The following SUPT3H variants were observed in gnomAD, a reference collection of about 807,000 sequenced individuals.
SUPT3H encodes the protein transcription initiation protein SPT3 homolog.
Under a neutral mutation model 44.3 loss-of-function variants are expected in SUPT3H, and 44 were observed. The observed-to-expected ratio is 0.99, with a 90% CI of 0.78 to 1.28. The LOEUF (loss-of-function observed/expected upper bound fraction) is 1.28. Among genes scored for constraint, SUPT3H ranks in the 50% most tolerant of loss-of-function variants. SUPT3H has a pLI of 0.00. For synonymous variants in SUPT3H, 124 were observed against 125.6 expected, an observed-to-expected ratio of 0.99 and a Z score of 0.09; for missense variants, 380 against 387.1, an observed-to-expected ratio of 0.98 and a Z score of 0.15.
At chr6:45,361,316 CTCCCAATTT>C (rs1206049802) in intron 2 of SUPT3H, among the ~76,000 whole-genome samples, 17 of 152,004 alleles carry the variant, frequency 1.1e-4, no homozygotes, top group Non-Finnish European at 7.4e-5. Context: ...ATCCCCAAAA[CTCCCAATTT>C]TTAAAAACGT....
chr6:44,900,801 C>T (rs995499882), intron 10 of SUPT3H, among the ~76,000 whole-genome samples: 2 of 152,158 alleles, frequency 1.3e-5, no homozygotes, highest in African/African-American at 4.8e-5. Context: ...CCTCACACGG[C>T]CGGGTACTCC....
intron 2 of SUPT3H, among the ~76,000 whole-genome samples, chr6:45,283,894 C>G (rs1297109408): frequency 6.6e-6 from 1 of 152,124 alleles, no homozygotes; most frequent in Non-Finnish European, 1.5e-5. Context: ...GTCTCTCAGA[C>G]CACAGTGAAA....
chr6:45,140,142 C>G (rs1373289494), intron 2 of SUPT3H, among the ~76,000 whole-genome samples: 1 of 152,028 alleles, frequency 6.6e-6, no homozygotes, highest in Non-Finnish European at 1.5e-5. Flanking sequence ...AGAAGCAGCC[C>G]TAATCCCCTA....
intron 10 of SUPT3H, among the ~76,000 whole-genome samples, chr6:44,906,937 T>C (rs971827266): frequency 4.6e-5 from 7 of 152,258 alleles, no homozygotes; most frequent in South Asian, 2.1e-4. Flanking sequence ...GACTTTCTGC[T>C]GGAATTTAAG....
chr6:44,938,633 G>C (rs1771889083), intron 9 of SUPT3H, among the ~76,000 whole-genome samples: 1 of 151,986 alleles, frequency 6.6e-6, no homozygotes, highest in Non-Finnish European at 1.5e-5. Context: ...TTTTGATAGA[G>C]ATTGCACTGG....
intron 2 of SUPT3H, among the ~76,000 whole-genome samples, chr6:45,330,273 G>A (rs1584943939): frequency 1.3e-5 from 2 of 151,922 alleles, no homozygotes; most frequent in South Asian, 4.1e-4. Context: ...AAGGAAGCAG[G>A]ACATAAACAC....
At chr6:44,812,181 T>C (rs1029772288) in intron 11 of SUPT3H, among the ~76,000 whole-genome samples, 1 of 152,250 alleles carries the variant, frequency 6.6e-6, no homozygotes, top group African/African-American at 2.4e-5. Context: ...AGAAGTCCAG[T>C]ATAAGTCTCA....
At chr6:45,145,893 T>C (rs1805977564) in intron 2 of SUPT3H, among the ~76,000 whole-genome samples, 1 of 151,922 alleles carries the variant, frequency 6.6e-6, no homozygotes, top group Non-Finnish European at 1.5e-5. Context: ...GATGTACAAA[T>C]GGCCAACGAA....
chr6:44,910,003 T>TA (rs1416082702), intron 10 of SUPT3H, among the ~76,000 whole-genome samples: 1 of 152,180 alleles, frequency 6.6e-6, no homozygotes, highest in Non-Finnish European at 1.5e-5. Context: ...CCAAAAGTCT[T>TA]AAAGTGTTTC....
chr6:45,244,177 G>A (rs1005233563), intron 2 of SUPT3H, among the ~76,000 whole-genome samples: 12 of 152,094 alleles, frequency 7.9e-5, no homozygotes, highest in African/African-American at 2.9e-4. Context: ...GCATCTGGCT[G>A]TTTTGCTTTT....
At chr6:45,304,354 CTTAAT>C (rs906146040) in intron 2 of SUPT3H, among the ~76,000 whole-genome samples, 51 of 152,078 alleles carry the variant, frequency 3.4e-4, no homozygotes, top group African/African-American at 9.9e-4. Flanking sequence ...AGGAATGTTA[CTTAAT>C]TTAAAGGAAA....
chr6:45,233,916 C>T (rs1283001555), intron 2 of SUPT3H, among the ~76,000 whole-genome samples: 1 of 152,122 alleles, frequency 6.6e-6, no homozygotes, highest in African/African-American at 2.4e-5. Flanking sequence ...AATAGATGTC[C>T]TTTATTGGGA....
chr6:44,866,106 CTTTTT>C (rs57914401), intron 10 of SUPT3H, among the ~76,000 whole-genome samples: 1 of 126,174 alleles, frequency 7.9e-6, no homozygotes, highest in African/African-American at 2.9e-5. Flanking sequence ...CCTACATCGA[CTTTTT>C]TTTTTTTTTT....
intron 2 of SUPT3H, among the ~76,000 whole-genome samples, chr6:45,135,297 TA>T (rs1257795703): frequency 6.6e-6 from 1 of 152,148 alleles, no homozygotes; most frequent in African/African-American, 2.4e-5. Context: ...CTATATACAG[TA>T]ATCTCTTTAG....
At chr6:44,985,779 T>G (rs577604086) in intron 6 of SUPT3H, among the ~76,000 whole-genome samples, 2 of 152,090 alleles carry the variant, frequency 1.3e-5, no homozygotes, top group Non-Finnish European at 2.9e-5. Flanking sequence ...CACTTAATAT[T>G]CCCTACTCTT....
chr6:44,978,457 T>C (rs1778643537), intron 6 of SUPT3H, among the ~76,000 whole-genome samples: 1 of 152,146 alleles, frequency 6.6e-6, no homozygotes, highest in African/African-American at 2.4e-5. Context: ...TACCATACAA[T>C]CTAAAGAGAG....
At chr6:45,077,391 T>C (rs1014121529) in intron 3 of SUPT3H, among the ~76,000 whole-genome samples, 1 of 151,460 alleles carries the variant, frequency 6.6e-6, no homozygotes, top group South Asian at 2.1e-4. Context: ...CTTTGGCAGG[T>C]TGAAGTGGGA....
chr6:45,280,182 G>T (rs1264156564), intron 2 of SUPT3H, among the ~76,000 whole-genome samples: 2 of 152,074 alleles, frequency 1.3e-5, no homozygotes, highest in African/African-American at 4.8e-5. Flanking sequence ...AACTAAATGA[G>T]GGTACACCAA....
chr6:45,298,878 C>G (rs890583349), intron 2 of SUPT3H, among the ~76,000 whole-genome samples: 1 of 152,070 alleles, frequency 6.6e-6, no homozygotes, highest in African/African-American at 2.4e-5. Flanking sequence ...TCACAATGAT[C>G]CCTGTGTCTT....
Sources: gnomAD v4.1 joint callset for allele counts (sites outside exome capture counted in the v4.1 genomes callset) on GRCh38, gnomAD v4.1.1 for gene constraint, MANE v1.5 for transcripts, NCBI Gene and HGNC (gene_info 2026-07-23, HGNC 2026-07-21) for gene names.